The following CFAP44 variants were observed in gnomAD, a reference collection of about 807,000 sequenced individuals.
The protein encoded by CFAP44 is cilia and flagella associated protein 44.
CFAP44 carries 134 observed loss-of-function variants against 216.2 expected under a neutral mutation model. The observed-to-expected ratio is 0.62, with a 90% CI of 0.54 to 0.72. The LOEUF (loss-of-function observed/expected upper bound fraction) is 0.72. CFAP44 is among the 30% of genes least tolerant of loss of function. CFAP44 has a pLI of 0.00. For synonymous variants in CFAP44, 700 were observed against 727.6 expected, an observed-to-expected ratio of 0.96 and a Z score of 0.61; for missense variants, 2,035 against 2,182.1, an observed-to-expected ratio of 0.93 and a Z score of 1.34.
intron 28 of CFAP44, among the ~76,000 whole-genome samples, chr3:113,323,816 G>T (rs532284139): frequency 6.6e-6 from 1 of 152,218 alleles, no homozygotes; most frequent in Admixed American, 6.5e-5. Context: ...GGCCAAGGCC[G>T]GTGGAACACA....
At chr3:113,331,528 C>G (rs1346205281) in intron 25 of CFAP44, among the ~76,000 whole-genome samples, 1 of 152,072 alleles carries the variant, frequency 6.6e-6, no homozygotes, top group East Asian at 1.9e-4. Flanking sequence ...ATCTGCAACA[C>G]AGAAAACTGT....
chr3:113,339,278 G>C (rs944524424), intron 24 of CFAP44, among the ~76,000 whole-genome samples: 7 of 152,148 alleles, frequency 4.6e-5, no homozygotes, highest in African/African-American at 1.7e-4. Context: ...ACTCCAGCTG[G>C]GGGTGGTGAA....
chr3:113,351,992 C>A (rs577401264), intron 22 of CFAP44, among the ~76,000 whole-genome samples: 1 of 152,280 alleles, frequency 6.6e-6, no homozygotes, highest in South Asian at 2.1e-4. Context: ...TTCTTCACCC[C>A]TACCCAGCAG....
intron 19 of CFAP44, among the ~76,000 whole-genome samples, chr3:113,364,721 C>T (rs1171606380): frequency 6.6e-6 from 1 of 152,032 alleles, no homozygotes; most frequent in Non-Finnish European, 1.5e-5. Context: ...GCCAATGGGT[C>T]TCAATCCTAG....
chr3:113,353,262 A>G (rs564379437), intron 22 of CFAP44, among the ~76,000 whole-genome samples: 2 of 152,294 alleles, frequency 1.3e-5, no homozygotes, highest in South Asian at 4.1e-4. Flanking sequence ...GAATGAAAGG[A>G]CTAAAAGAAT....
intron 24 of CFAP44, among the ~76,000 whole-genome samples, chr3:113,338,630 T>C (rs1950303117): frequency 6.6e-6 from 1 of 152,150 alleles, no homozygotes; most frequent in African/African-American, 2.4e-5. Flanking sequence ...GATTGAAAAG[T>C]AACATAACAT....
intron 28 of CFAP44, among the ~76,000 whole-genome samples, chr3:113,311,196 A>C (rs1260991736): frequency 6.6e-6 from 1 of 152,258 alleles, no homozygotes; most frequent in Non-Finnish European, 1.5e-5. Context: ...AAAAATGCAA[A>C]GCCTCAGCAA....
At chr3:113,361,012 T>C in intron 21 of CFAP44, 2 of 293,366 alleles carry the variant, frequency 6.8e-6, no homozygotes, top group South Asian at 8.6e-5. Flanking sequence ...CTGAATTCCA[T>C]GCTGGGCACA....
At chr3:113,391,146 C>T (rs1458394439) in intron 15 of CFAP44, among the ~76,000 whole-genome samples, 1 of 152,036 alleles carries the variant, frequency 6.6e-6, no homozygotes, top group Admixed American at 6.6e-5. Context: ...AAAACAGAAA[C>T]ACAGACCAAT....
intron 28 of CFAP44, among the ~76,000 whole-genome samples, chr3:113,313,349 C>T (rs1950057591): frequency 6.6e-6 from 1 of 152,012 alleles, no homozygotes; most frequent in African/African-American, 2.4e-5. Context: ...ACCTGTAGCC[C>T]CATATTATGT....
At chr3:113,347,084 G>A (rs2107824582) in intron 22 of CFAP44, among the ~76,000 whole-genome samples, 1 of 152,260 alleles carries the variant, frequency 6.6e-6, no homozygotes, top group South Asian at 2.1e-4. Flanking sequence ...TTGCTCTTCT[G>A]CCCTATTTTT....
Position 113,287,186 on chromosome 3 carries a change from G to A in CFAP44, c.*4371C>T, listed in dbSNP as rs1949767403. On this transcript the variant is annotated 3_prime_UTR_variant, in exon 35 of 35. Coordinates refer to ENST00000393845, the MANE Select transcript of CFAP44 (RefSeq NM_001164496.2). ...GCTGCAGGAGGCCCACAGATAAGCT[G>A]GCAAGAGGAAGGATCCCAGGCACAT... The A allele has an allele frequency of 5.1e-6, 2 of 393,894 alleles. No homozygotes were observed. The highest frequency in any genetic ancestry group is 3.8e-5 in the South Asian group (2 of 53,168). 24.4% of individuals were successfully genotyped at this position (393,894 alleles called of 1,614,324 possible). A position where few individuals can be genotyped will look rare whatever the true frequency, so the allele number is the denominator to read the frequency against.
intron 29 of CFAP44, among the ~76,000 whole-genome samples, chr3:113,307,780 T>C (rs112175222): frequency 0.019 from 2,830 of 152,220 alleles, 98 homozygotes; most frequent in African/African-American, 0.064. Flanking sequence ...CCATCCTGGC[T>C]AACACGGTGA....
At chr3:113,328,130 T>C (rs1016721718) in intron 26 of CFAP44, among the ~76,000 whole-genome samples, 1 of 151,870 alleles carries the variant, frequency 6.6e-6, no homozygotes, top group Admixed American at 6.6e-5. Flanking sequence ...GTGGGTAGTG[T>C]TTCTATCTGT....
rs541897678 is a variant in CFAP44, at chr3:113,420,033, C to G, written c.554G>C (p.Gly185Ala). The G allele has an allele frequency of 1.2e-6, 2 of 1,613,098 alleles. No homozygotes were observed. Among genetic ancestry groups the G allele is most frequent in the South Asian group, 2.2e-5 (2 of 90,742 alleles). Residue 185 changes from glycine (G) to alanine (A), a missense_variant, in exon 5 of 35, where the codon GGA becomes GCA. Around this residue, in one of 3 missense-constraint regions of CFAP44, gnomAD observed 1,883 missense variants for 2,023.7 expected, o/e 0.93. Coordinates refer to ENST00000393845, the MANE Select transcript of CFAP44 (RefSeq NM_001164496.2). ...AAGGCATACCCCAATGACGCCAATT[C>G]CTTCACCACTGCTACTTCGCAGGTA... ...QIYLRSSSGE[G>A]IGVIGVHPHK...
intron 13 of CFAP44, 50 bp downstream of exon 13, chr3:113,399,856 T>C (rs546525899): frequency 4.0e-6 from 5 of 1,255,858 alleles, no homozygotes; most frequent in African/African-American, 3.0e-5. Flanking sequence ...AGCATTGATA[T>C]ACCATATTTA....
At position 113,333,588 on chromosome 3, in the gene CFAP44, T is replaced by C. The variant is rs1275771862; in HGVS notation, c.3438-5A>G. 3 of 1,510,064 alleles carry C rather than the reference T, an allele frequency of 2.0e-6. No individual in the cohort carries two copies. Among genetic ancestry groups the C allele is most frequent in the Non-Finnish European group, 2.6e-6 (3 of 1,135,642 alleles). 93.5% of individuals were successfully genotyped at this position (1,510,064 alleles called of 1,614,324 possible). A position where few individuals can be genotyped will look rare whatever the true frequency, so the allele number is the denominator to read the frequency against. On this transcript the variant is annotated splice_region_variant and splice_polypyrimidine_tract_variant and intron_variant, in intron 24 of 34. Coordinates refer to ENST00000393845, the MANE Select transcript of CFAP44 (RefSeq NM_001164496.2). ...TCACCAGGTTTACTCTTGTATCTATTAGAAAAACAGACAACCCCCCCACAC... is the reference window on the plus strand; with the variant it reads ...TCACCAGGTTTACTCTTGTATCTATCAGAAAAACAGACAACCCCCCCACAC...
rs1027757696 is a variant in CFAP44 at position 113,291,679 on chromosome 3, G to C, written c.5443C>G (p.Leu1815Val). Reference protein sequence around the residue: ...AREEVTELIQLQAERISALKE... With the variant: ...AREEVTELIQVQAERISALKE... ...AAGGCCGAAATCCTTTCCGCCTGGA[G>C]TTGGATCAATTCAGTGACCTCCTCT... The change falls in exon 35 of 35, where the codon CTC (leucine) becomes GTC (valine). Residue 1815 changes from leucine to valine, a missense_variant. By Grantham distance (32) the Leu-to-Val change is conservative. Coordinates refer to ENST00000393845, the MANE Select transcript of CFAP44 (RefSeq NM_001164496.2). The C allele has an allele frequency of 6.5e-7, 1 of 1,537,326 alleles. No individual in the cohort carries two copies. Among genetic ancestry groups the C allele is most frequent in the Non-Finnish European group, 8.7e-7 (1 of 1,146,996 alleles).
chr3:113,361,029 G>C, intron 21 of CFAP44: 1 of 285,158 alleles, frequency 3.5e-6, no homozygotes, highest in Non-Finnish European at 7.2e-6. Context: ...CACATTTATT[G>C]TTGCACAGGA....
Sources: allele counts gnomAD v4.1 joint callset (sites outside exome capture counted in the v4.1 genomes callset), GRCh38; gene constraint gnomAD v4.1.1; regional missense constraint gnomAD v4.1.1; transcripts MANE v1.5; gene names NCBI Gene and HGNC (gene_info 2026-07-23, HGNC 2026-07-21).